The following TLE3 variants were observed in gnomAD, a reference collection of about 807,000 sequenced individuals.
TLE3 encodes transducin-like enhancer protein 3.
Under a neutral mutation model 93.0 loss-of-function variants are expected in TLE3, and 14 were observed. The observed-to-expected ratio is 0.15, with a 90% CI of 0.10 to 0.24. TLE3 has a LOEUF of 0.24. Among genes scored for constraint, TLE3 ranks in the 10% least tolerant of loss-of-function variants. The pLI is 1.00. For missense variants in TLE3, 693 were observed against 1,046.6 expected, an observed-to-expected ratio of 0.66 and a Z score of 4.66; for synonymous variants, 451 against 425.0, an observed-to-expected ratio of 1.06 and a Z score of -0.75.
At chr15:70,059,569 C>T in intron 9 of TLE3, 109 bp from the exon 10 acceptor site, 1 of 1,055,750 alleles carries the variant, frequency 9.5e-7, no homozygotes, top group Non-Finnish European at 1.4e-6. Context: ...GAAGCCAGGC[C>T]AAACCCCAAA....
intron 4 of TLE3, among the ~76,000 whole-genome samples, chr15:70,080,596 G>C (rs920224109): frequency 1.3e-5 from 2 of 152,158 alleles, no homozygotes; most frequent in Non-Finnish European, 2.9e-5. Context: ...AGATAGTGGG[G>C]GGCAAGTGTA....
At chr15:70,068,984 C>T (rs1433029227) in intron 6 of TLE3, among the ~76,000 whole-genome samples, 1 of 152,228 alleles carries the variant, frequency 6.6e-6, no homozygotes, top group Non-Finnish European at 1.5e-5. Flanking sequence ...CTGTGTTGTG[C>T]CAGGATCACA....
intron 6 of TLE3, 48 bp from the exon 7 acceptor site, chr15:70,066,266 G>T: frequency 7.0e-7 from 1 of 1,433,814 alleles, no homozygotes. Context: ...GAGGGCAGGG[G>T]AGGCGTGGCC....
chr15:70,057,147 C>T (rs1053240615), intron 13 of TLE3, among the ~76,000 whole-genome samples: 1 of 152,252 alleles, frequency 6.6e-6, no homozygotes, highest in African/African-American at 2.4e-5. Flanking sequence ...CTGACTTGCC[C>T]TGGGATTCCT....
chr15:70,066,171 G>A lies in TLE3; in HGVS notation c.420C>T (p.Pro140=), dbSNP rs547405788. 3 of 1,545,020 alleles carry A rather than the reference G, an allele frequency of 1.9e-6. No individual in the cohort carries two copies. Among genetic ancestry groups the A allele is most frequent in the Admixed American group, 2.0e-5 (1 of 50,140 alleles). The change falls in exon 7 of 20, where the codon CCC becomes CCT. Residue 140 remains proline (P), a synonymous_variant. Coordinates refer to ENST00000451782, the MANE Select transcript of TLE3 (RefSeq NM_001105192.3). ...AQHLSHATHG[P]PVQLPPHPSG... is the part of the protein sequence containing the mutation. Reference sequence around the variant, plus strand: ...ACGGGTGGGGTGGCAACTGGACCGGGGGGCCGTGTGTGGCATGGGAGAGGT... The same window carrying A: ...ACGGGTGGGGTGGCAACTGGACCGGAGGGCCGTGTGTGGCATGGGAGAGGT...
At chr15:70,066,430 G>A (rs2056822487) in intron 6 of TLE3, among the ~76,000 whole-genome samples, 1 of 152,130 alleles carries the variant, frequency 6.6e-6, no homozygotes, top group Admixed American at 6.5e-5. Flanking sequence ...GTAATGTAAA[G>A]ATTTATGTCT....
chr15:70,058,200 A>G lies in TLE3; in HGVS notation c.1010T>C (p.Leu337Pro). The change falls in exon 12 of 20, where the codon CTC (leucine) becomes CCC (proline). Residue 337 changes from leucine (L) to proline (P), a missense_variant. Coordinates refer to ENST00000451782, the MANE Select transcript of TLE3 (RefSeq NM_001105192.3). The surrounding 1 kb of genome is among the most constrained non-coding windows in gnomAD (Gnocchi z 4.1). ...CGGAGGTTTACCCGGCATCGACCTG[A>G]GCCCTGGGGTCGTGCTGGTGCCTGG... ...PTPGTSTTPGLRSMPGKPPGM... is the reference protein window; with the variant it reads ...PTPGTSTTPGPRSMPGKPPGM... 1 of 1,613,808 alleles carries G rather than the reference A, an allele frequency of 6.2e-7. No individual in the cohort carries two copies. The highest frequency in any genetic ancestry group is 8.5e-7 in the Non-Finnish European group (1 of 1,179,860).
chr15:70,062,491 C>A (rs985419212), intron 8 of TLE3, among the ~76,000 whole-genome samples: 1 of 152,246 alleles, frequency 6.6e-6, no homozygotes, highest in African/African-American at 2.4e-5. Flanking sequence ...ACCCTCGCCG[C>A]TACCGGAGAG....
intron 7 of TLE3, among the ~76,000 whole-genome samples, chr15:70,065,700 A>C (rs914300657): frequency 6.6e-6 from 1 of 152,252 alleles, no homozygotes; most frequent in Non-Finnish European, 1.5e-5. Context: ...CCAGGAAGGC[A>C]TCCTGAAGGG....
intron 8 of TLE3, among the ~76,000 whole-genome samples, chr15:70,063,856 T>A (rs2056652503): frequency 6.6e-6 from 1 of 152,060 alleles, no homozygotes; most frequent in Non-Finnish European, 1.5e-5. Flanking sequence ...TTAAATCGAG[T>A]GAAAGCCCAG....
chr15:70,051,579 GTATAA>G, intron 18 of TLE3, 112 bp from the exon 19 acceptor site: 3 of 608,972 alleles, frequency 4.9e-6, no homozygotes, highest in Non-Finnish European at 7.2e-6. Context: ...CTGCTAACTA[GTATAA>G]CTCTCCAATT....
intron 18 of TLE3, 143 bp downstream of exon 18, chr15:70,052,231 G>T: frequency 1.0e-6 from 1 of 971,394 alleles, no homozygotes; most frequent in Non-Finnish European, 1.5e-6. Flanking sequence ...GGTGTTGAAG[G>T]GGCACCAGCT....
chr15:70,055,518 A>G (rs576337437), intron 14 of TLE3: 199 of 505,472 alleles, frequency 3.9e-4, no homozygotes, highest in African/African-American at 3.1e-3. Flanking sequence ...CCAGTTATAT[A>G]TCCTTGCTTC....
At position 70,053,508 on chromosome 15, in the gene TLE3, C is replaced by T. The variant is rs2937278; in HGVS notation, c.1827-134G>A. ...GTGCACTATGCGCATGGTCCCTTAGCGAGCTTGCAGCAAAGCTAGCCCCGG... is the reference window on the plus strand; with the variant it reads ...GTGCACTATGCGCATGGTCCCTTAGTGAGCTTGCAGCAAAGCTAGCCCCGG... On this transcript the variant is annotated intron_variant, in intron 16 of 19. Transcript: ENST00000451782. 6,920 of 1,049,336 alleles carry T rather than the reference C, an allele frequency of 6.6e-3. 337 individuals are homozygous for T. In the African/African-American group the frequency reaches 0.1, roughly 15 times the overall value. 65.0% of individuals were successfully genotyped at this position (1,049,336 alleles called of 1,614,324 possible).
chr15:70,050,875 T>C (rs1312345640), intron 19 of TLE3: 1 of 157,646 alleles, frequency 6.3e-6, no homozygotes, highest in African/African-American at 2.4e-5. Flanking sequence ...TGCACACGTG[T>C]GTGTGCCAAT....
chr15:70,096,758 G>A lies in TLE3; in HGVS notation c.24+17C>T, dbSNP rs764155130. ...GCCATGATAGATGCTTAAATAAACC[G>A]AGTTGCAATTACTCACCGGATGTCT... On this transcript the variant is annotated intron_variant, in intron 1 of 19. Transcript: ENST00000451782. 1.2e-6 allele frequency: 2 copies of A among 1,613,024 alleles called. No homozygotes were observed. The highest frequency in any genetic ancestry group is 1.7e-6 in the Non-Finnish European group (2 of 1,179,602).
At position 70,050,058 on chromosome 15, in the gene TLE3, G is replaced by C. The variant is rs1261833163; in HGVS notation, c.*39C>G. 6.3e-7 allele frequency: 1 copy of C among 1,576,586 alleles called. No homozygotes were observed. Among genetic ancestry groups the C allele is most frequent in the Non-Finnish European group, 8.7e-7 (1 of 1,146,580 alleles). ...GGGTCTCCCTGTCAGAGCCGAGTCG[G>C]TTTCTCCCAGAGTTTGACAGCCCTG... On this transcript the variant is annotated 3_prime_UTR_variant, in exon 20 of 20. Transcript: ENST00000451782.
intron 7 of TLE3, 36 bp downstream of exon 7, chr15:70,065,978 T>TCCCC: frequency 1.5e-6 from 1 of 686,818 alleles, no homozygotes; most frequent in Non-Finnish European, 2.5e-6. Context: ...TGCCCACCCC[T>TCCCC]GCCCCGCCCC....
At chr15:70,084,102 T>C (rs631864) in intron 4 of TLE3, among the ~76,000 whole-genome samples, 73,849 of 152,100 alleles carry the variant, frequency 0.49, 18,134 homozygotes, top group Middle Eastern at 0.58. Flanking sequence ...CACCATTTGA[T>C]CTCTCATTTT....
Sources: gnomAD v4.1 joint callset for allele counts (sites outside exome capture counted in the v4.1 genomes callset) on GRCh38, gnomAD v4.1.1 for gene constraint, Gnocchi (gnomAD v3.1) non-coding constraint, MANE v1.5 for transcripts, NCBI Gene and HGNC (gene_info 2026-07-23, HGNC 2026-07-21) for gene names.